Variants in AFF3 observed in about 807,000 individuals in gnomAD.
AFF3 encodes AF4/FMR2 family member 3.
Under a neutral mutation model 129.7 loss-of-function variants are expected in AFF3, and 32 were observed. The ratio of observed to expected loss-of-function variants is 0.25; its 90% CI spans 0.19 to 0.33. The LOEUF (loss-of-function observed/expected upper bound fraction) is 0.33. Among genes scored for constraint, AFF3 ranks in the 10% least tolerant of loss-of-function variants. AFF3 has a pLI of 1.00. For missense variants in AFF3, 1,373 were observed against 1,592.0 expected, an observed-to-expected ratio of 0.86 and a Z score of 2.34; for synonymous variants, 644 against 635.4, an observed-to-expected ratio of 1.01 and a Z score of -0.20.
chr2:99,851,577 C>T (rs541889654), intron 7 of AFF3, among the ~76,000 whole-genome samples: 1 of 152,150 alleles, frequency 6.6e-6, no homozygotes, highest in African/African-American at 2.4e-5. Flanking sequence ...AACATAAACC[C>T]ATAATACAAA....
chr2:100,052,317 A>G (rs1248522207), intron 4 of AFF3, among the ~76,000 whole-genome samples: 3 of 152,186 alleles, frequency 2.0e-5, no homozygotes, highest in Admixed American at 6.5e-5. Flanking sequence ...CAAAACTTAC[A>G]TTGGGAAGTT....
chr2:99,828,668 T>C (rs1688293043), intron 8 of AFF3, among the ~76,000 whole-genome samples: 1 of 152,178 alleles, frequency 6.6e-6, no homozygotes, highest in Admixed American at 6.5e-5. Context: ...GGGAATTTGA[T>C]GGAGGCAGTA....
At chr2:99,733,338 C>CCACTG in intron 10 of AFF3, among the ~76,000 whole-genome samples, 1 of 150,304 alleles carries the variant, frequency 6.7e-6, no homozygotes, top group Non-Finnish European at 1.5e-5. Flanking sequence ...CAAGATCGCG[C>CCACTG]CACTGCACTC....
chr2:99,672,498 TGTC>T (rs762369486), intron 12 of AFF3, 37 bp downstream of exon 12: 1 of 1,594,832 alleles, frequency 6.3e-7, no homozygotes, highest in Non-Finnish European at 8.6e-7. Flanking sequence ...CTGTTACCAG[TGTC>T]ACCTCCAAAG....
chr2:99,837,742 G>A (rs1055980497), intron 7 of AFF3, among the ~76,000 whole-genome samples: 2 of 152,024 alleles, frequency 1.3e-5, no homozygotes, highest in South Asian at 2.1e-4. Flanking sequence ...CACCACACAC[G>A]CACCCCAGAG....
intron 8 of AFF3, among the ~76,000 whole-genome samples, chr2:99,774,506 TAATA>T (rs1368615101): frequency 6.6e-6 from 1 of 152,174 alleles, no homozygotes; most frequent in Non-Finnish European, 1.5e-5. Flanking sequence ...ATTCCCTATT[TAATA>T]AATTGTGCTG....
At chr2:99,778,399 A>T (rs1684113191) in intron 8 of AFF3, among the ~76,000 whole-genome samples, 1 of 152,246 alleles carries the variant, frequency 6.6e-6, no homozygotes, top group Admixed American at 6.5e-5. Context: ...GCAGAAACAG[A>T]GGGGATTAAC....
At chr2:99,923,980 CA>C (rs1407591972) in intron 7 of AFF3, among the ~76,000 whole-genome samples, 2 of 152,188 alleles carry the variant, frequency 1.3e-5, no homozygotes, top group East Asian at 3.9e-4. Flanking sequence ...ATAGAATGGA[CA>C]AGAGAGAATC....
intron 8 of AFF3, among the ~76,000 whole-genome samples, chr2:99,814,161 T>C (rs566264407): frequency 1.2e-4 from 19 of 152,122 alleles, no homozygotes; most frequent in Non-Finnish European, 2.5e-4. Flanking sequence ...CCCCTATCTG[T>C]AGTGGGTAAG....
intron 2 of AFF3, among the ~76,000 whole-genome samples, chr2:100,123,530 A>G (rs969124049): frequency 1.3e-5 from 2 of 152,208 alleles, no homozygotes; most frequent in Non-Finnish European, 2.9e-5. Flanking sequence ...TCCAGTTCAA[A>G]TTTTGGCTTC....
chr2:99,740,814 T>C (rs1488984329), intron 10 of AFF3, among the ~76,000 whole-genome samples: 1 of 152,070 alleles, frequency 6.6e-6, no homozygotes, highest in Non-Finnish European at 1.5e-5. Context: ...AGCTCTTTAG[T>C]TTAATTAGAT....
intron 15 of AFF3, among the ~76,000 whole-genome samples, chr2:99,590,637 G>T (rs1020017521): frequency 2.0e-5 from 3 of 152,132 alleles, no homozygotes; most frequent in African/African-American, 7.2e-5. Flanking sequence ...AACTAAGGGC[G>T]CCCACTGCCG....
At chr2:100,073,469 C>T (rs543781050) in intron 4 of AFF3, among the ~76,000 whole-genome samples, 1 of 152,316 alleles carries the variant, frequency 6.6e-6, no homozygotes, top group African/African-American at 2.4e-5. Flanking sequence ...CTCAGCCTTC[C>T]AGCCCCCAGG....
chr2:99,632,576 G>C (rs1683226690), intron 13 of AFF3, among the ~76,000 whole-genome samples: 1 of 152,136 alleles, frequency 6.6e-6, no homozygotes, highest in Non-Finnish European at 1.5e-5. Flanking sequence ...TGGAAGACCA[G>C]AGCGCCAGGC....
chr2:99,586,477 C>A (rs955304223), intron 16 of AFF3, among the ~76,000 whole-genome samples: 3 of 152,168 alleles, frequency 2.0e-5, no homozygotes, highest in Non-Finnish European at 1.5e-5. Context: ...TCTATGTATA[C>A]GGTCAGGGAG....
At chr2:99,979,626 G>T (rs1679209970) in intron 7 of AFF3, among the ~76,000 whole-genome samples, 1 of 151,804 alleles carries the variant, frequency 6.6e-6, no homozygotes, top group Non-Finnish European at 1.5e-5. Flanking sequence ...TTACAGACAT[G>T]CACCACCACG....
intron 4 of AFF3, among the ~76,000 whole-genome samples, chr2:100,052,063 G>A (rs1041200571): frequency 6.6e-6 from 1 of 152,160 alleles, no homozygotes; most frequent in Non-Finnish European, 1.5e-5. Flanking sequence ...AGGGTGGGGG[G>A]CAGAAGGAAA....
At chr2:100,023,056 T>G (rs536508170) in intron 4 of AFF3, among the ~76,000 whole-genome samples, 1 of 152,220 alleles carries the variant, frequency 6.6e-6, no homozygotes, top group Non-Finnish European at 1.5e-5. Context: ...TCTGGGCCCT[T>G]TGGGGTCTCC....
At chr2:100,114,243 C>G (rs375728764) in intron 2 of AFF3, among the ~76,000 whole-genome samples, 2 of 152,174 alleles carry the variant, frequency 1.3e-5, no homozygotes, top group East Asian at 3.8e-4. Context: ...TGGCCCAGAG[C>G]ACAGTGAAAA....
Sources: gnomAD v4.1 joint callset for allele counts (sites outside exome capture counted in the v4.1 genomes callset) on GRCh38, gnomAD v4.1.1 for gene constraint, MANE v1.5 for transcripts, NCBI Gene and HGNC (gene_info 2026-07-23, HGNC 2026-07-21) for gene names.